Variants in KIR2DL1 observed in about 807,000 individuals in gnomAD.
The protein encoded by KIR2DL1 is killer cell immunoglobulin like receptor, two Ig domains and long cytoplasmic tail 1, also known as killer cell immunoglobulin-like receptor 2DL1.
A neutral mutation model predicts 33.9 loss-of-function variants in KIR2DL1; 38 were observed. The ratio of observed to expected loss-of-function variants is 1.12; its 90% CI spans 0.86 to 1.47. The LOEUF (loss-of-function observed/expected upper bound fraction) is 1.47, where lower values mean the gene tolerates loss of function less well. KIR2DL1 is among the 40% of genes most tolerant of loss of function. KIR2DL1 has a pLI of 0.00. For synonymous variants in KIR2DL1, 179 were observed against 165.9 expected (o/e 1.08, Z -0.61); for missense variants, 531 against 433.9 (o/e 1.22, Z -1.99).
intron 4 of KIR2DL1, among the ~76,000 whole-genome samples, chr19:54,776,632 CTCT>C: frequency 9.0e-6 from 1 of 111,586 alleles, no homozygotes; most frequent in South Asian, 3.0e-4. Context: ...TATGAAAGTT[CTCT>C]TTTTTTTTTT....
In KIR2DL1 at chr19:54,772,604, C is replaced by A. The variant is rs896500608; in HGVS notation, c.71-729C>A. On this transcript the variant is annotated intron_variant, in intron 2 of 7. Transcript: ENST00000336077. ...CATGTAATCCTAGCGACTTGGGAGGCTGAGGGCAGGAGAATCACTTGAACC... is the reference window on the plus strand; with the variant it reads ...CATGTAATCCTAGCGACTTGGGAGGATGAGGGCAGGAGAATCACTTGAACC... Among the ~76,000 whole-genome samples the A allele has an allele frequency of 2.9e-3, 422 of 146,180 alleles. 7 individuals carry two copies. Among genetic ancestry groups the A allele is most frequent in the African/African-American group, 0.01 (408 of 39,754 alleles).
In KIR2DL1 at chr19:54,770,729, G is replaced by T; in HGVS notation, c.35-120G>T. ...GTTCTTGGGTGCAGGTAGGCACTGA[G>T]GGTGAGTTTACCTTCAGCCCAGGAA... On this transcript the variant is annotated intron_variant, in intron 1 of 7. Transcript: ENST00000336077. The T allele has an allele frequency of 4.3e-6, 6 of 1,386,278 alleles. 2 individuals are homozygous for T. The highest frequency in any genetic ancestry group is 3.4e-5 in the South Asian group (3 of 87,322). The allele number at this position is 1,386,278 out of a possible 1,614,324, so 85.9% of individuals were successfully genotyped here. A position where few individuals can be genotyped will look rare whatever the true frequency, so the allele number is the denominator to read the frequency against.
rs749653872 is a variant in KIR2DL1, at chr19:54,775,328, C to T, written c.534C>T (p.Asn178=). ...ERRLPAGPKV[N]GTFQADFPLG... is the part of the protein sequence containing the mutation. ...GGCTCCCTGCAGGGCCCAAGGTCAA[C>T]GGAACATTCCAGGCTGACTTTCCTC... Residue 178 remains asparagine (N), a synonymous_variant, in exon 4 of 8, where the codon AAC becomes AAT. Transcript: ENST00000336077. 1.4e-4 allele frequency: 218 copies of T among 1,581,146 alleles called. 17 individuals carry two copies. Among genetic ancestry groups the T allele is most frequent in the Non-Finnish European group, 1.7e-4 (191 of 1,153,296 alleles).
intron 5 of KIR2DL1, among the ~76,000 whole-genome samples, chr19:54,779,385 C>A (rs2076714213): frequency 6.7e-6 from 1 of 148,460 alleles, no homozygotes; most frequent in Admixed American, 6.8e-5. Context: ...GTCCCAGCTT[C>A]TAAAGGCTCC....
chr19:54,780,297 A>G lies in KIR2DL1; in HGVS notation c.715+1635A>G, dbSNP rs1172101026. The G allele has an allele frequency of 1.1e-5, 5 of 454,892 alleles. 1 individual carries two copies. The highest frequency in any genetic ancestry group is 2.0e-5 in the Non-Finnish European group (5 of 252,744). 28.2% of individuals were successfully genotyped at this position (454,892 alleles called of 1,614,324 possible). On this transcript the variant is annotated intron_variant, in intron 5 of 7. Coordinates refer to ENST00000336077, the MANE Select transcript of KIR2DL1 (RefSeq NM_014218.3). ...CAGATATTTGTGACATTAATGAAAAACACGGAATGAACCCCTGAAAGATTG... is the reference window on the plus strand; with the variant it reads ...CAGATATTTGTGACATTAATGAAAAGCACGGAATGAACCCCTGAAAGATTG...
In KIR2DL1 at chr19:54,783,803, C is replaced by G; in HGVS notation, c.1037C>G (p.Ser346Cys). 6.2e-7 allele frequency: 1 copy of G among 1,613,440 alleles called. No individual in the cohort carries two copies. Among genetic ancestry groups the G allele is most frequent in the Non-Finnish European group, 8.5e-7 (1 of 1,179,772 alleles). The change falls in exon 8 of 8, where the codon TCC becomes TGC. Residue 346 changes from serine (S) to cysteine (C), a missense_variant. By Grantham distance (112) the Ser-to-Cys change is moderately radical. Transcript: ENST00000336077. ...PNAESRSKVV[S>C]CP ...GCTGAGTCCAGATCCAAAGTTGTCT[C>G]CTGCCCATGAGCACCACAGTCAGGC...
At chr19:54,773,238 T>C in intron 2 of KIR2DL1, 95 bp from the exon 3 acceptor site, 4 of 1,265,872 alleles carry the variant, frequency 3.2e-6, no homozygotes, top group South Asian at 2.8e-5. Context: ...AGGAGAGAGA[T>C]AAGACACCAG....
rs1280158144 is a variant in KIR2DL1, at chr19:54,776,621, C to G, written c.664+1163C>G. 3.6e-5 allele frequency among the ~76,000 whole-genome samples: 5 copies of G among 138,150 alleles called. 1 individual carries two copies. Among genetic ancestry groups the G allele is most frequent in the African/African-American group, 1.3e-4 (5 of 37,234 alleles). The allele number at this position is 138,150 out of a possible 152,430, so 90.6% of individuals were successfully genotyped here. ...AACCCAGTAGTGAAATTGCTGGATA[C>G]TATGAAAGTTCTCTTTTTTTTTTTT... On this transcript the variant is annotated intron_variant, in intron 4 of 7. Transcript: ENST00000336077.
chr19:54,780,672 C>A (rs1401875848), intron 5 of KIR2DL1, among the ~76,000 whole-genome samples: 24 of 142,552 alleles, frequency 1.7e-4, no homozygotes, highest in African/African-American at 6.2e-4. Flanking sequence ...CTGATTTAGA[C>A]ACTAAATGAA....
intron 1 of KIR2DL1, among the ~76,000 whole-genome samples, chr19:54,770,405 A>T (rs2075548754): frequency 8.5e-6 from 1 of 117,028 alleles, no homozygotes; most frequent in Admixed American, 9.1e-5. Flanking sequence ...ATATGTGCCT[A>T]GGATGGAGAT....
chr19:54,780,664 G>T lies in KIR2DL1; in HGVS notation c.715+2002G>T, dbSNP rs377531898. 3.6e-4 allele frequency among the ~76,000 whole-genome samples: 51 copies of T among 143,266 alleles called. No homozygotes were observed. The East Asian group carries it at 4.5e-3, about 13-fold the overall frequency. The allele number at this position is 143,266 out of a possible 152,430, so 94.0% of individuals were successfully genotyped here. On this transcript the variant is annotated intron_variant, in intron 5 of 7. Coordinates refer to ENST00000336077, the MANE Select transcript of KIR2DL1 (RefSeq NM_014218.3). Reference sequence around the variant, plus strand: ...CGCCCCACTGGTGAAATGTGGTGCTGATTTAGACACTAAATGAATGAAGTA... The same window carrying T: ...CGCCCCACTGGTGAAATGTGGTGCTTATTTAGACACTAAATGAATGAAGTA...
Position 54,783,522 on chromosome 19 carries a change from G to C in KIR2DL1, c.854G>C (p.Arg285Thr). Residue 285 changes from arginine (R) to threonine (T), a missense_variant, in exon 7 of 8, where the codon AGA (arginine) becomes ACA (threonine). Physicochemically the swap from Arg to Thr is moderately conservative, Grantham distance 71 (BLOSUM62 -1). Transcript: ENST00000336077. ...AVMDQESAGN[R>T]TANSEDSDEQ... ...ATGGACCAAGAGTCTGCAGGAAACA[G>C]AACAGCGAATAGCGAGGTAGGTACT... 6.2e-7 allele frequency: 1 copy of C among 1,613,794 alleles called. No homozygotes were observed.
intron 2 of KIR2DL1, 30 bp from the exon 3 acceptor site, chr19:54,773,303 A>G (rs1289208735): frequency 7.7e-6 from 12 of 1,567,942 alleles, no homozygotes; most frequent in East Asian, 2.3e-5. Flanking sequence ...AAAGAGAGAC[A>G]CCTTCTAAAC....
At chr19:54,778,064 T>C (rs75953372) in intron 4 of KIR2DL1, among the ~76,000 whole-genome samples, 7,255 of 102,110 alleles carry the variant, frequency 0.071, 3 homozygotes, top group South Asian at 0.13. Context: ...AGTTCAAGAT[T>C]AGTCTGGCCA....
At chr19:54,776,184 C>G (rs1449528064) in intron 4 of KIR2DL1, among the ~76,000 whole-genome samples, 1 of 144,554 alleles carries the variant, frequency 6.9e-6, no homozygotes, top group African/African-American at 2.5e-5. Flanking sequence ...GCCACCAGGC[C>G]CAGCCACATT....
rs1213289684 is a variant in KIR2DL1 at position 54,783,530 on chromosome 19, A to T, written c.862A>T (p.Asn288Tyr). 2 of 1,613,740 alleles carry T rather than the reference A, an allele frequency of 1.2e-6. No individual in the cohort carries two copies. Among genetic ancestry groups the T allele is most frequent in the African/African-American group, 2.7e-5 (2 of 74,872 alleles). ...AGAGTCTGCAGGAAACAGAACAGCG[A>T]ATAGCGAGGTAGGTACTCCTCGGCC... Reference protein sequence around the residue: ...DQESAGNRTANSEDSDEQDPQ... With the variant: ...DQESAGNRTAYSEDSDEQDPQ... Residue 288 changes from asparagine to tyrosine, a missense_variant, in exon 7 of 8, where the codon AAT (asparagine) becomes TAT (tyrosine). Asn to Tyr is a moderately radical substitution (Grantham distance 143, BLOSUM62 -2). Coordinates refer to ENST00000336077, the MANE Select transcript of KIR2DL1 (RefSeq NM_014218.3).
intron 2 of KIR2DL1, among the ~76,000 whole-genome samples, chr19:54,771,743 C>A (rs886470417): frequency 2.2e-4 from 32 of 148,090 alleles, no homozygotes; most frequent in Admixed American, 1.6e-3. Flanking sequence ...GGTGCCTGTC[C>A]CTGAGCTCTA....
At chr19:54,778,307 G>T (rs1426772147) in intron 4 of KIR2DL1, among the ~76,000 whole-genome samples, 1 of 149,570 alleles carries the variant, frequency 6.7e-6, no homozygotes, top group Non-Finnish European at 1.5e-5. Context: ...GAATATATCT[G>T]TGTTATTCAT....
intron 3 of KIR2DL1, among the ~76,000 whole-genome samples, chr19:54,774,221 G>C (rs1290205232): frequency 1.4e-5 from 2 of 145,690 alleles, no homozygotes; most frequent in African/African-American, 2.5e-5. Context: ...CCACTTATGA[G>C]AGGATCAGTG....
Sources: gnomAD v4.1 joint callset for allele counts (sites outside exome capture counted in the v4.1 genomes callset) on GRCh38, gnomAD v4.1.1 for gene constraint, MANE v1.5 for transcripts, NCBI Gene and HGNC (gene_info 2026-07-23, HGNC 2026-07-21) for gene names.